Variants in DTNA observed in about 807,000 individuals in gnomAD.
DTNA encodes the protein dystrobrevin alpha.
In DTNA, 43 loss-of-function variants were observed where a neutral mutation model predicts 100.7. That is an observed-to-expected ratio of 0.43 (90% CI 0.33 to 0.55). DTNA has a LOEUF of 0.55. Among genes scored for constraint, DTNA ranks in the 20% least tolerant of loss-of-function variants. DTNA has a pLI of 0.04. For missense variants in DTNA, 798 were observed against 953.9 expected (o/e 0.84, Z 2.15); for synonymous variants, 349 against 347.9 (o/e 1.00, Z -0.04).
At chr18:34,854,069 A>G (rs1273957906) in intron 15 of DTNA, among the ~76,000 whole-genome samples, 2 of 152,194 alleles carry the variant, frequency 1.3e-5, no homozygotes, top group African/African-American at 4.8e-5. Context: ...GCTCGAAGCA[A>G]ACAATGTAAA....
intron 1 of DTNA, among the ~76,000 whole-genome samples, chr18:34,561,638 C>T (rs1467204112): frequency 6.6e-6 from 1 of 151,798 alleles, no homozygotes; most frequent in Non-Finnish European, 1.5e-5. Flanking sequence ...TATTTAATGG[C>T]CTTATTTGCT....
At chr18:34,532,721 TCTGAGAATGAGAA>T (rs145113399) in intron 1 of DTNA, among the ~76,000 whole-genome samples, 1,873 of 151,892 alleles carry the variant, frequency 0.012, 43 homozygotes, top group African/African-American at 0.042. Context: ...CTGTAAGACC[TCTGAGAATGAGAA>T]CTGTATATGT....
intron 1 of DTNA, among the ~76,000 whole-genome samples, chr18:34,508,733 C>T (rs962576271): frequency 2.6e-5 from 4 of 152,022 alleles, no homozygotes; most frequent in African/African-American, 4.8e-5. Flanking sequence ...AGGGCATAAT[C>T]GGTATTCACA....
At chr18:34,729,107 A>G (rs1199204460) in intron 1 of DTNA, among the ~76,000 whole-genome samples, 1 of 152,242 alleles carries the variant, frequency 6.6e-6, no homozygotes, top group African/African-American at 2.4e-5. Context: ...TATGATGTCA[A>G]TGTCAATGGC....
intron 3 of DTNA, among the ~76,000 whole-genome samples, chr18:34,791,004 G>C (rs2094714688): frequency 6.6e-6 from 1 of 152,064 alleles, no homozygotes; most frequent in Non-Finnish European, 1.5e-5. Context: ...GGGAATCCCA[G>C]AGCCGGCAAG....
At chr18:34,616,209 G>T (rs570861580) in intron 1 of DTNA, among the ~76,000 whole-genome samples, 2 of 152,136 alleles carry the variant, frequency 1.3e-5, no homozygotes, top group African/African-American at 4.8e-5. Context: ...CACTAGCAAC[G>T]TATAAGTGCT....
intron 1 of DTNA, among the ~76,000 whole-genome samples, chr18:34,498,284 G>A (rs1322914565): frequency 6.6e-6 from 1 of 151,820 alleles, no homozygotes; most frequent in East Asian, 1.9e-4. Context: ...AGCTGGGGGT[G>A]GTGGCAAGAC....
intron 1 of DTNA, among the ~76,000 whole-genome samples, chr18:34,569,192 T>C (rs1435370353): frequency 1.3e-5 from 2 of 151,948 alleles, no homozygotes; most frequent in East Asian, 3.9e-4. Flanking sequence ...CATTTTTGTG[T>C]GTAGAAATGT....
intron 1 of DTNA, among the ~76,000 whole-genome samples, chr18:34,507,020 T>G (rs1218433239): frequency 6.6e-6 from 1 of 152,146 alleles, no homozygotes; most frequent in East Asian, 1.9e-4. Context: ...TAATCAACAG[T>G]TGACAGGTAA....
At chr18:34,879,790 A>C (rs942983427) in intron 20 of DTNA, 71 bp downstream of exon 20, 1 of 1,585,172 alleles carries the variant, frequency 6.3e-7, no homozygotes, top group Non-Finnish European at 8.6e-7. Context: ...AGAAAGTAAA[A>C]GCATAATTGT....
At chr18:34,541,041 A>C (rs1489444902) in intron 1 of DTNA, among the ~76,000 whole-genome samples, 1 of 152,068 alleles carries the variant, frequency 6.6e-6, no homozygotes, top group Non-Finnish European at 1.5e-5. Context: ...GGTTGTAAAA[A>C]TTGGGCTATG....
At chr18:34,883,687 A>G (rs747395349) in intron 21 of DTNA, among the ~76,000 whole-genome samples, 4 of 152,188 alleles carry the variant, frequency 2.6e-5, no homozygotes, top group Non-Finnish European at 5.9e-5. Flanking sequence ...AGAAGAAATT[A>G]TCTCCTATTT....
intron 5 of DTNA, among the ~76,000 whole-genome samples, chr18:34,809,978 C>G (rs971836829): frequency 3.3e-5 from 5 of 152,080 alleles, no homozygotes; most frequent in Admixed American, 2.0e-4. Context: ...CATAAACTTA[C>G]CTAATAACAC....
chr18:34,888,052 A>G lies in DTNA; in HGVS notation c.*318A>G. The G allele has an allele frequency of 1.0e-6, 1 of 985,926 alleles. No individual in the cohort carries two copies. The highest frequency in any genetic ancestry group is 1.2e-6 in the Non-Finnish European group (1 of 829,946). The allele number at this position is 985,926 out of a possible 1,614,324, so 61.1% of individuals were successfully genotyped here. A position where few individuals can be genotyped will look rare whatever the true frequency, so the allele number is the denominator to read the frequency against. On this transcript the variant is annotated 3_prime_UTR_variant, in exon 23 of 23. Transcript: ENST00000444659. ...TAACTTATCAGCTACATCCTCTGTAACGTGGTTCATCCCTGGTTAAAAAGC... is the reference window on the plus strand; with the variant it reads ...TAACTTATCAGCTACATCCTCTGTAGCGTGGTTCATCCCTGGTTAAAAAGC...
chr18:34,696,382 C>T (rs936271627), intron 1 of DTNA, among the ~76,000 whole-genome samples: 9 of 151,994 alleles, frequency 5.9e-5, no homozygotes, highest in African/African-American at 1.4e-4. Flanking sequence ...ATCAAGACCA[C>T]CCTGGCCAAC....
chr18:34,701,430 G>T (rs189940147), intron 1 of DTNA, among the ~76,000 whole-genome samples: 2 of 152,164 alleles, frequency 1.3e-5, no homozygotes, highest in Admixed American at 6.5e-5. Flanking sequence ...CGCTCACATG[G>T]TGTTTCTCCT....
intron 13 of DTNA, 137 bp from the exon 14 acceptor site, chr18:34,848,159 T>A: frequency 2.6e-6 from 2 of 774,272 alleles, no homozygotes; most frequent in South Asian, 3.0e-5. Flanking sequence ...CTGAGATTGT[T>A]ATTCTAACAG....
intron 1 of DTNA, among the ~76,000 whole-genome samples, chr18:34,548,842 G>C: frequency 6.6e-6 from 1 of 152,054 alleles, no homozygotes; most frequent in East Asian, 1.9e-4. Context: ...TTTAATGCTT[G>C]ACCAATTCAA....
intron 18 of DTNA, among the ~76,000 whole-genome samples, chr18:34,876,675 G>C (rs912715114): frequency 6.6e-6 from 1 of 152,082 alleles, no homozygotes; most frequent in Non-Finnish European, 1.5e-5. Flanking sequence ...CCATGTAGAG[G>C]GGTGATAAAA....
Sources: allele counts gnomAD v4.1 joint callset (sites outside exome capture counted in the v4.1 genomes callset), GRCh38; gene constraint gnomAD v4.1.1; transcripts MANE v1.5; gene names NCBI Gene and HGNC (gene_info 2026-07-23, HGNC 2026-07-21).